AP3M2: variants seen among roughly 807,000 people sequenced by gnomAD.
AP3M2 encodes the protein adaptor related protein complex 3 subunit mu 2.
In AP3M2, 28 loss-of-function variants were observed where a neutral mutation model predicts 41.6. The observed-to-expected ratio is 0.67, with a 90% CI of 0.50 to 0.92. The LOEUF (loss-of-function observed/expected upper bound fraction) is 0.92. Among genes scored for constraint, AP3M2 ranks in the 40% least tolerant of loss-of-function variants. AP3M2 has a pLI of 0.00. For missense variants in AP3M2, 427 were observed against 521.4 expected (o/e 0.82, Z 1.76); for synonymous variants, 193 against 186.4 (o/e 1.04, Z -0.29).
Position 42,167,218 on chromosome 8 carries a change from T to C in AP3M2, c.858T>C (p.Ser286=), listed in dbSNP as rs1354823231. The C allele has an allele frequency of 1.2e-6, 2 of 1,614,088 alleles. No homozygotes were observed. The highest frequency in any genetic ancestry group is 1.7e-6 in the Non-Finnish European group (2 of 1,180,024). ...ATAACATCAGTTTCCGGGACAGTAGTTCCCTTGGACGCTTTGAAATAACGG... is the reference window on the plus strand; with the variant it reads ...ATAACATCAGTTTCCGGGACAGTAGCTCCCTTGGACGCTTTGAAATAACGG... ...VKHNISFRDS[S]SLGRFEITVG... Residue 286 remains serine, a synonymous_variant, in exon 7 of 9, where the codon AGT becomes AGC. Coordinates refer to ENST00000396926, the MANE Select transcript of AP3M2 (RefSeq NM_006803.4).
chr8:42,166,246 A>G (rs1011292244), intron 6 of AP3M2, among the ~76,000 whole-genome samples: 6 of 152,190 alleles, frequency 3.9e-5, no homozygotes, highest in African/African-American at 1.4e-4. Context: ...TCATCTATAA[A>G]ATCAGTACCT....
At chr8:42,162,018 C>T in intron 3 of AP3M2, 1 of 286,006 alleles carries the variant, frequency 3.5e-6, no homozygotes. Flanking sequence ...AGGTTACTTT[C>T]AAAACCAAAA....
At chr8:42,160,194 A>G (rs1434048317) in intron 3 of AP3M2, among the ~76,000 whole-genome samples, 4 of 152,212 alleles carry the variant, frequency 2.6e-5, no homozygotes, top group Non-Finnish European at 5.9e-5. Flanking sequence ...ATATTCCAAA[A>G]TTTAAAAAAA....
At chr8:42,163,535 G>A (rs1056462269) in intron 4 of AP3M2, among the ~76,000 whole-genome samples, 1 of 152,204 alleles carries the variant, frequency 6.6e-6, no homozygotes, top group Non-Finnish European at 1.5e-5. Flanking sequence ...AGGTGGGGGT[G>A]TTTATGCTTC....
intron 3 of AP3M2, among the ~76,000 whole-genome samples, chr8:42,159,652 A>G (rs1390405919): frequency 6.6e-6 from 1 of 152,118 alleles, no homozygotes; most frequent in Non-Finnish European, 1.5e-5. Flanking sequence ...CTTACAGTCT[A>G]TCACTTGTGA....
At chr8:42,168,179 CCTTT>C (rs1295108686) in intron 8 of AP3M2, 1 of 468,930 alleles carries the variant, frequency 2.1e-6, no homozygotes, top group South Asian at 1.5e-5. Flanking sequence ...AATTTCCACT[CCTTT>C]CTTCTGTTTT....
intron 2 of AP3M2, 128 bp from the exon 3 acceptor site, chr8:42,157,813 C>T (rs1804396612): frequency 9.5e-6 from 8 of 842,350 alleles, no homozygotes; most frequent in Non-Finnish European, 1.1e-5. Flanking sequence ...TGCATTCCCT[C>T]GTTGTAGAAG....
intron 2 of AP3M2, 121 bp downstream of exon 2, chr8:42,155,081 C>CA: frequency 1.3e-6 from 1 of 791,192 alleles, no homozygotes; most frequent in Non-Finnish European, 2.0e-6. Flanking sequence ...TGGTATTACT[C>CA]ACTTCCTCTC....
chr8:42,155,008 T>G (rs1804319147), intron 2 of AP3M2, 48 bp downstream of exon 2: 1 of 1,499,160 alleles, frequency 6.7e-7, no homozygotes, highest in Non-Finnish European at 9.2e-7. Context: ...AAAGTGTCTT[T>G]GTAGTCCTGT....
chr8:42,169,037 T>G lies in AP3M2; in HGVS notation c.1233T>G (p.Ala411=), dbSNP rs746135553. The change falls in exon 9 of 9, where the codon GCT becomes GCG. Residue 411 remains alanine, a synonymous_variant. Coordinates refer to ENST00000396926, the MANE Select transcript of AP3M2 (RefSeq NM_006803.4). The part of the protein sequence containing the change: ...PFKGIKYMTK[A]GKFQVRT ...AGGGCATAAAATACATGACCAAAGC[T>G]GGGAAGTTCCAAGTTCGAACCTGAA... 2.5e-6 allele frequency: 4 copies of G among 1,611,546 alleles called. No individual in the cohort carries two copies. The highest frequency in any genetic ancestry group is 2.2e-5 in the South Asian group (2 of 90,636).
chr8:42,166,232 G>T (rs185966041), intron 6 of AP3M2, among the ~76,000 whole-genome samples: 160 of 152,244 alleles, frequency 1.1e-3, no homozygotes, highest in Admixed American at 2.3e-3. Context: ...AAGGACATCA[G>T]TATTCATCTA....
chr8:42,154,585 T>G, intron 1 of AP3M2, 31 bp from the exon 2 acceptor site: 1 of 1,503,378 alleles, frequency 6.7e-7, no homozygotes, highest in Non-Finnish European at 8.8e-7. Context: ...TTTGGTTGAA[T>G]GGAACTGAAT....
At chr8:42,154,517 G>A in intron 1 of AP3M2, 99 bp from the exon 2 acceptor site, 2 of 890,316 alleles carry the variant, frequency 2.2e-6, no homozygotes, top group Non-Finnish European at 3.3e-6. Context: ...GGGAAGATTG[G>A]GCCTGGTCTT....
In AP3M2 at chr8:42,166,085, C is replaced by T. The variant is rs181780567; in HGVS notation, c.803+525C>T. Among the ~76,000 whole-genome samples the T allele has an allele frequency of 6.1e-4, 93 of 152,284 alleles. 1 individual carries two copies. The Middle Eastern group carries it at 0.01, about 17-fold the overall frequency. ...GGCCTCAGAGCCACCAGTCCCTTCC[C>T]GTGTGATGTGGAATGAATCATTTGG... is the stretch of plus-strand genomic sequence containing the variant. On this transcript the variant is annotated intron_variant, in intron 6 of 8. Transcript: ENST00000396926.
At chr8:42,165,207 G>A in intron 5 of AP3M2, 51 bp downstream of exon 5, 1 of 1,570,242 alleles carries the variant, frequency 6.4e-7, no homozygotes, top group Non-Finnish European at 8.7e-7. Context: ...ATTAAATGCT[G>A]CTGGAAAGAC....
rs1355166933 is a variant in AP3M2, at chr8:42,167,145, CTT to C, written c.804-17_804-16del. On this transcript the variant is annotated splice_polypyrimidine_tract_variant and intron_variant, in intron 6 of 8. Coordinates refer to ENST00000396926, the MANE Select transcript of AP3M2 (RefSeq NM_006803.4). ...TTCCCAGTGCACGAATGAAATGACTCTTTGTCTCTCATTTCCAGTCTGGTTGC... is the reference window on the plus strand; with the variant it reads ...TTCCCAGTGCACGAATGAAATGACTCTGTCTCTCATTTCCAGTCTGGTTGC... 3 of 1,608,126 alleles carry C rather than the reference CTT, an allele frequency of 1.9e-6. No homozygotes were observed. The highest frequency in any genetic ancestry group is 1.3e-5 in the African/African-American group (1 of 74,802).
At chr8:42,155,941 A>C in intron 2 of AP3M2, 1 of 455,076 alleles carries the variant, frequency 2.2e-6, no homozygotes, top group Non-Finnish European at 4.4e-6. Context: ...CAAGAGAATT[A>C]AAATACATTT....
intron 8 of AP3M2, 91 bp downstream of exon 8, chr8:42,167,901 C>T (rs1314096390): frequency 6.8e-6 from 10 of 1,464,048 alleles, no homozygotes; most frequent in African/African-American, 4.3e-5. Flanking sequence ...TCTGGGCTTC[C>T]TGTTTACAAG....
chr8:42,167,736 A>C lies in AP3M2; in HGVS notation c.1082A>C (p.Gln361Pro). The stretch of plus-strand genomic sequence containing the variant: ...AGTTTGAAGGGGACCATGAGTCTTC[A>C]GGCTGGAGCTTCCAAACCAGATGAA... ...LPSLKGTMSL[Q>P]AGASKPDENP... Residue 361 changes from glutamine to proline, a missense_variant, in exon 8 of 9, where the codon CAG becomes CCG. By Grantham distance (76) the Gln-to-Pro change is moderately conservative. Transcript: ENST00000396926. 1 of 1,614,200 alleles carries C rather than the reference A, an allele frequency of 6.2e-7. No individual in the cohort carries two copies. The highest frequency in any genetic ancestry group is 8.5e-7 in the Non-Finnish European group (1 of 1,180,028).
Sources: gnomAD v4.1 joint callset for allele counts (sites outside exome capture counted in the v4.1 genomes callset) on GRCh38, gnomAD v4.1.1 for gene constraint, MANE v1.5 for transcripts, NCBI Gene and HGNC (gene_info 2026-07-23, HGNC 2026-07-21) for gene names.